EFNA5: variants seen among roughly 807,000 people sequenced by gnomAD.
EFNA5 encodes ephrin A5.
A neutral mutation model predicts 22.9 loss-of-function variants in EFNA5; 5 were observed. That is an observed-to-expected ratio of 0.22 (90% CI 0.11 to 0.46). The LOEUF is 0.46. EFNA5 is among the 20% of genes least tolerant of loss of function. The pLI is 0.99. For missense variants in EFNA5, 237 were observed against 293.3 expected (o/e 0.81, Z 1.40); for synonymous variants, 113 against 112.2 (o/e 1.01, Z -0.04).
At chr5:107,470,057 TGATA>T (rs1281772922) in intron 1 of EFNA5, among the ~76,000 whole-genome samples, 3 of 152,168 alleles carry the variant, frequency 2.0e-5, no homozygotes, top group Non-Finnish European at 4.4e-5. Flanking sequence ...GATTCTCAAG[TGATA>T]GATAGTTCCA....
intron 1 of EFNA5, among the ~76,000 whole-genome samples, chr5:107,432,750 C>G (rs375756775): frequency 1.3e-5 from 2 of 152,204 alleles, no homozygotes; most frequent in African/African-American, 2.4e-5. Flanking sequence ...TGCATGGCCA[C>G]TTAGGTCAAT....
chr5:107,567,544 A>G (rs1224316996), intron 1 of EFNA5, among the ~76,000 whole-genome samples: 2 of 152,180 alleles, frequency 1.3e-5, no homozygotes, highest in East Asian at 1.9e-4. Flanking sequence ...GAAGTTTGAG[A>G]CACAGGATCC....
At chr5:107,599,601 T>A (rs1749546961) in intron 1 of EFNA5, among the ~76,000 whole-genome samples, 1 of 152,174 alleles carries the variant, frequency 6.6e-6, no homozygotes, top group African/African-American at 2.4e-5. Context: ...AATAAATAGA[T>A]CTACAGCCAA....
At chr5:107,420,649 C>T (rs543986142) in intron 2 of EFNA5, among the ~76,000 whole-genome samples, 21 of 151,062 alleles carry the variant, frequency 1.4e-4, no homozygotes, top group Admixed American at 3.3e-4. Flanking sequence ...TACTAAAATA[C>T]GAGGGAACTG....
intron 2 of EFNA5, among the ~76,000 whole-genome samples, chr5:107,422,035 C>T (rs1352846248): frequency 6.6e-6 from 1 of 152,202 alleles, no homozygotes; most frequent in African/African-American, 2.4e-5. Flanking sequence ...AGGTGATCCA[C>T]TTGCCTTGGC....
chr5:107,569,383 T>A (rs6899192), intron 1 of EFNA5, among the ~76,000 whole-genome samples: 134 of 137,892 alleles, frequency 9.7e-4, no homozygotes, highest in African/African-American at 2.3e-3. Flanking sequence ...ATATATATAT[T>A]TTTATGTATA....
At chr5:107,495,611 G>T (rs1746955283) in intron 1 of EFNA5, among the ~76,000 whole-genome samples, 1 of 152,160 alleles carries the variant, frequency 6.6e-6, no homozygotes, top group Non-Finnish European at 1.5e-5. Flanking sequence ...AGAATATGCA[G>T]TCTTGTGTAA....
intron 1 of EFNA5, among the ~76,000 whole-genome samples, chr5:107,654,150 C>T (rs1007866032): frequency 1.3e-5 from 2 of 151,962 alleles, no homozygotes; most frequent in Non-Finnish European, 2.9e-5. Flanking sequence ...TACTCTCTTC[C>T]CACCAGTAAA....
intron 1 of EFNA5, among the ~76,000 whole-genome samples, chr5:107,496,413 T>C (rs774436849): frequency 4.1e-5 from 6 of 146,948 alleles, no homozygotes; most frequent in Non-Finnish European, 7.4e-5. Context: ...GATCAGAGAG[T>C]CTCGTTCATC....
chr5:107,481,127 G>C (rs1030753506), intron 1 of EFNA5, among the ~76,000 whole-genome samples: 32 of 152,212 alleles, frequency 2.1e-4, no homozygotes, highest in Admixed American at 8.5e-4. Context: ...GGTAAAGTTA[G>C]ACTCTCCTGC....
At chr5:107,411,183 G>A (rs1006835150) in intron 2 of EFNA5, among the ~76,000 whole-genome samples, 2 of 152,094 alleles carry the variant, frequency 1.3e-5, no homozygotes, top group Non-Finnish European at 2.9e-5. Flanking sequence ...GCACTTAAAG[G>A]ATTAACTGCA....
At chr5:107,476,057 T>TATATATATATGTATATATATA in intron 1 of EFNA5, among the ~76,000 whole-genome samples, 8 of 100,418 alleles carry the variant, frequency 8.0e-5, no homozygotes, top group Non-Finnish European at 1.1e-4. Context: ...TATATATATA[T>TATATATATATGTATATATATA]TTTTTTTTTT....
intron 2 of EFNA5, among the ~76,000 whole-genome samples, chr5:107,418,075 G>A (rs1243706985): frequency 5.9e-5 from 9 of 152,132 alleles, no homozygotes; most frequent in Non-Finnish European, 1.2e-4. Flanking sequence ...CCCAAAGATT[G>A]ACTATGCATT....
At chr5:107,449,620 T>C (rs1002824175) in intron 1 of EFNA5, among the ~76,000 whole-genome samples, 5 of 152,028 alleles carry the variant, frequency 3.3e-5, no homozygotes, top group African/African-American at 1.2e-4. Context: ...ATTTAATAAT[T>C]TTCCCCAAGT....
chr5:107,413,881 T>A (rs944855223), intron 2 of EFNA5, among the ~76,000 whole-genome samples: 12 of 152,170 alleles, frequency 7.9e-5, no homozygotes, highest in African/African-American at 2.9e-4. Context: ...CTTAGTCTAT[T>A]TTAGTCTTTA....
chr5:107,420,522 T>TAAAAAAAAAAAAA (rs368304882), intron 2 of EFNA5, among the ~76,000 whole-genome samples: 42 of 108,948 alleles, frequency 3.9e-4, no homozygotes, highest in Non-Finnish European at 5.2e-4. Flanking sequence ...TCTGTGCTTT[T>TAAAAAAAAAAAAA]AAAAAAAAAA....
In EFNA5 at chr5:107,591,102, G is replaced by A. The variant is rs1749315389; in HGVS notation, c.125+79387C>T. Among the ~76,000 whole-genome samples, 3 of 141,898 alleles carry A rather than the reference G, an allele frequency of 2.1e-5. No individual in the cohort carries two copies. The South Asian group carries it at 7.8e-4, about 37-fold the overall frequency. 93.1% of individuals were successfully genotyped at this position (141,898 alleles called of 152,430 possible). On this transcript the variant is annotated intron_variant, in intron 1 of 4. Coordinates refer to ENST00000333274, the MANE Select transcript of EFNA5 (RefSeq NM_001962.3). ...TTAAAGTAAGCTACCCTGATCAAAT[G>A]TTTTCCACGTGTTTGGGTAGGGTGG... is the stretch of plus-strand genomic sequence containing the variant.
At chr5:107,472,882 C>T (rs1290287847) in intron 1 of EFNA5, among the ~76,000 whole-genome samples, 3 of 152,162 alleles carry the variant, frequency 2.0e-5, no homozygotes, top group Non-Finnish European at 2.9e-5. Context: ...CTGGTAGGAC[C>T]AAGGGATGCA....
intron 1 of EFNA5, among the ~76,000 whole-genome samples, chr5:107,552,346 G>A (rs1445369900): frequency 6.6e-6 from 1 of 152,206 alleles, no homozygotes; most frequent in Non-Finnish European, 1.5e-5. Context: ...CTGATTATAT[G>A]CTTGGCATCA....
Sources: allele counts gnomAD v4.1 joint callset (sites outside exome capture counted in the v4.1 genomes callset), GRCh38; gene constraint gnomAD v4.1.1; transcripts MANE v1.5; gene names NCBI Gene and HGNC (gene_info 2026-07-23, HGNC 2026-07-21).